The following RNF213 variants were observed in gnomAD, a reference collection of about 807,000 sequenced individuals.
RNF213 encodes E3 ubiquitin-protein ligase RNF213.
In RNF213, 341 loss-of-function variants were observed where a neutral mutation model predicts 514.4. The ratio of observed to expected loss-of-function variants is 0.66; its 90% CI spans 0.61 to 0.73. The LOEUF (loss-of-function observed/expected upper bound fraction) is 0.73. Among genes scored for constraint, RNF213 ranks in the 30% least tolerant of loss-of-function variants. The probability of loss-of-function intolerance (pLI) is 0.00; values close to 1 mark genes in which losing one functional copy is unlikely to be tolerated. For missense variants in RNF213, 5,767 were observed against 6,615.6 expected (o/e 0.87, Z 4.45); for synonymous variants, 2,655 against 2,658.2 (o/e 1.00, Z 0.04).
At chr17:80,335,701 C>T (rs1352911845) in intron 22 of RNF213, among the ~76,000 whole-genome samples, 2 of 152,040 alleles carry the variant, frequency 1.3e-5, no homozygotes, top group African/African-American at 4.8e-5. Flanking sequence ...ACAGGCTGGG[C>T]GTGGTGGCTC....
rs1187759289 is a variant in RNF213 at position 80,317,239 on chromosome 17, G to A, written c.2863G>A (p.Glu955Lys). ...IQFPAEHGWK[E>K]SLLGDMEWRL... The stretch of plus-strand genomic sequence containing the variant: ...ATTCCCCGCGGAGCATGGCTGGAAG[G>A]AGTCGTTGCTGGGAGACATGGAATG... The change falls in exon 16 of 68, where the codon GAG becomes AAG. Residue 955 changes from glutamate to lysine, a missense_variant. Physicochemically the swap from Glu to Lys is moderately conservative, Grantham distance 56 (BLOSUM62 1). Coordinates refer to ENST00000582970, the MANE Select transcript of RNF213 (RefSeq NM_001256071.3). The surrounding 1 kb of genome is among the most constrained non-coding windows in gnomAD (Gnocchi z 4.1). 6.2e-7 allele frequency: 1 copy of A among 1,612,862 alleles called. No individual in the cohort carries two copies. Among genetic ancestry groups the A allele is most frequent in the African/African-American group, 1.3e-5 (1 of 74,940 alleles).
At chr17:80,386,959 T>C in intron 63 of RNF213, 68 bp downstream of exon 63, 1 of 1,464,602 alleles carries the variant, frequency 6.8e-7, no homozygotes, top group Non-Finnish European at 9.3e-7. Context: ...CCTTGGTGTG[T>C]TTCTCGAGAG....
rs946235231 is a variant in RNF213 at position 80,388,484 on chromosome 17, T to G, written c.14923-128T>G. The G allele has an allele frequency of 2.3e-4, 177 of 753,796 alleles. 2 individuals are homozygous for G. Among genetic ancestry groups the G allele is most frequent in the Non-Finnish European group, 3.7e-4 (153 of 416,528 alleles). The allele number at this position is 753,796 out of a possible 1,614,324, so 46.7% of individuals were successfully genotyped here. On this transcript the variant is annotated intron_variant, in intron 63 of 67. Coordinates refer to ENST00000582970, the MANE Select transcript of RNF213 (RefSeq NM_001256071.3). The stretch of plus-strand genomic sequence containing the variant: ...GGTTAATGACGGAGAGGGGCGCTCT[T>G]AGCCAAGGGATACACAGGGCAGCGC...
At chr17:80,339,007 A>ACT (rs1309655895) in intron 25 of RNF213, among the ~76,000 whole-genome samples, 194 bp from the exon 26 acceptor site, 3 of 151,854 alleles carry the variant, frequency 2.0e-5, no homozygotes, top group Non-Finnish European at 4.4e-5. Context: ...CTCTACAATG[A>ACT]CTCTTTCCCT....
chr17:80,314,109 A>G (rs1220338621), intron 15 of RNF213, among the ~76,000 whole-genome samples: 1 of 86,204 alleles, frequency 1.2e-5, no homozygotes, highest in Non-Finnish European at 2.3e-5. Flanking sequence ...ACTGGAGGTG[A>G]TGGTGGTGGT....
chr17:80,390,918 C>T (rs905006317), intron 67 of RNF213, among the ~76,000 whole-genome samples: 2 of 151,978 alleles, frequency 1.3e-5, no homozygotes, highest in Admixed American at 6.6e-5. Context: ...AAAAATTAGC[C>T]AGGCATGGTG....
chr17:80,295,725 GA>G lies in RNF213; in HGVS notation c.1925del (p.Asp642AlafsTer7). On this transcript the variant is annotated frameshift_variant, in exon 10 of 68. Coordinates refer to ENST00000582970, the MANE Select transcript of RNF213 (RefSeq NM_001256071.3). LOFTEE classifies it high-confidence loss of function. ...KIELLLEGSL[D>X]WLCHLLTSDA... ...TGAGCTTTTATTAGAAGGCAGCCTG[GA>G]CTGGTTGTGTCACCTCCTAACCTCA... The G allele has an allele frequency of 6.2e-7, 1 of 1,614,176 alleles. No homozygotes were observed.
At chr17:80,330,492 G>C (rs531334066) in intron 20 of RNF213, among the ~76,000 whole-genome samples, 2 of 152,172 alleles carry the variant, frequency 1.3e-5, no homozygotes, top group Non-Finnish European at 2.9e-5. Flanking sequence ...AGGGAGAAGC[G>C]GGCTGGCGGG....
At chr17:80,366,105 G>T (rs1175832463) in intron 42 of RNF213, among the ~76,000 whole-genome samples, 6 of 152,240 alleles carry the variant, frequency 3.9e-5, no homozygotes, top group Non-Finnish European at 2.9e-5. Context: ...AGCAGCCCTT[G>T]GGACCATTTG....
chr17:80,281,443 CT>C (rs2044274277), intron 3 of RNF213, among the ~76,000 whole-genome samples: 3 of 99,270 alleles, frequency 3.0e-5, no homozygotes, highest in Non-Finnish European at 6.8e-5. Flanking sequence ...CTCACACACC[CT>C]GCAACATACA....
At position 80,307,197 on chromosome 17, in the gene RNF213, G is replaced by A; in HGVS notation, c.2497G>A (p.Asp833Asn). 1.2e-6 allele frequency: 2 copies of A among 1,613,660 alleles called. No homozygotes were observed. The highest frequency in any genetic ancestry group is 1.7e-6 in the Non-Finnish European group (2 of 1,179,786). Residue 833 changes from aspartate (D) to asparagine (N), a missense_variant, in exon 13 of 68, where the codon GAC becomes AAC. Asp to Asn is a conservative substitution (Grantham distance 23). This residue lies in a region of RNF213 where 592 missense variants were observed against 673.9 expected (regional missense o/e 0.88). Transcript: ENST00000582970. Reference protein sequence around the residue: ...MLLRLLDTYRDKIPEEALSPS... With the variant: ...MLLRLLDTYRNKIPEEALSPS... ...GTTGCGACTCCTGGACACTTACCGG[G>A]ACAAGTAAGTGGAAAGCACGATGCA...
chr17:80,361,745 A>T lies in RNF213; in HGVS notation c.11212A>T (p.Lys3738Ter), dbSNP rs2079062987. The T allele has an allele frequency of 6.2e-7, 1 of 1,613,588 alleles. No individual in the cohort carries two copies. The highest frequency in any genetic ancestry group is 1.3e-5 in the African/African-American group (1 of 74,882). The change falls in exon 39 of 68, where the codon AAG (lysine) becomes TAG (stop). Residue 3738 changes from lysine to a stop codon, truncating the protein, a stop_gained. Transcript: ENST00000582970. LOFTEE classifies it high-confidence loss of function. Reference sequence around the variant, plus strand: ...TTTCCTCTCTGCAGGACTGCCCAAGAAGTTCGTGGACATCTTTCAGCAGAC... The same window carrying T: ...TTTCCTCTCTGCAGGACTGCCCAAGTAGTTCGTGGACATCTTTCAGCAGAC... The part of the protein sequence containing the change: ...YITDAEGLPK[K>*]FVDIFQQTPL...
intron 47 of RNF213, 28 bp from the exon 48 acceptor site, chr17:80,372,493 C>T (rs531618903): frequency 2.8e-5 from 43 of 1,552,574 alleles, no homozygotes; most frequent in African/African-American, 4.1e-5. Flanking sequence ...AAATAATATC[C>T]TTTTCTTTCT....
At chr17:80,322,544 C>T (rs919082004) in intron 17 of RNF213, among the ~76,000 whole-genome samples, 4 of 151,910 alleles carry the variant, frequency 2.6e-5, no homozygotes, top group African/African-American at 9.7e-5. Flanking sequence ...CCACTGCACT[C>T]CGGCCTGGGC....
intron 37 of RNF213, 98 bp downstream of exon 37, chr17:80,358,577 A>G (rs1056551662): frequency 3.5e-6 from 4 of 1,129,710 alleles, no homozygotes; most frequent in African/African-American, 1.5e-5. Context: ...GCAGCCCTCA[A>G]CTTCAGAGCA....
intron 44 of RNF213, 118 bp downstream of exon 44, chr17:80,368,261 A>C (rs72851471): frequency 0.027 from 30,941 of 1,128,892 alleles, 568 homozygotes; most frequent in Middle Eastern, 0.063. Flanking sequence ...CTGACCTCAG[A>C]GAACTATCAT....
chr17:80,375,478 G>A (rs1171601491), intron 50 of RNF213, among the ~76,000 whole-genome samples: 3 of 151,954 alleles, frequency 2.0e-5, no homozygotes, highest in African/African-American at 7.3e-5. Context: ...GAGGCATGCA[G>A]ATCACAAGGT....
chr17:80,295,501 A>T, intron 9 of RNF213, 56 bp from the exon 10 acceptor site: 1 of 1,608,958 alleles, frequency 6.2e-7, no homozygotes, highest in East Asian at 2.2e-5. Context: ...AGCTCTGGAC[A>T]CTGCCGGTGA....
rs777067885 is a variant in RNF213 at position 80,313,158 on chromosome 17, G to C, written c.2802G>C (p.Lys934Asn). The change falls in exon 15 of 68, where the codon AAG becomes AAC. Residue 934 changes from lysine (K) to asparagine (N), a missense_variant. Lys to Asn is a moderately conservative substitution (Grantham distance 94). This residue lies in a region of RNF213 where 592 missense variants were observed against 673.9 expected (regional missense o/e 0.88). Transcript: ENST00000582970. ...CAGGTGCCTCATTCACATACGTCAAGGAAATTGAGGTAGGCATTTGGCCGA... is the reference window on the plus strand; with the variant it reads ...CAGGTGCCTCATTCACATACGTCAACGAAATTGAGGTAGGCATTTGGCCGA... ...TSSGASFTYV[K>N]EIEVWRRLVE... 6.2e-7 allele frequency: 1 copy of C among 1,614,126 alleles called. No homozygotes were observed. The highest frequency in any genetic ancestry group is 8.5e-7 in the Non-Finnish European group (1 of 1,180,046).
Sources: allele counts gnomAD v4.1 joint callset (sites outside exome capture counted in the v4.1 genomes callset), GRCh38; gene constraint gnomAD v4.1.1; regional missense constraint gnomAD v4.1.1; non-coding constraint Gnocchi (gnomAD v3.1); transcripts MANE v1.5; gene names NCBI Gene and HGNC (gene_info 2026-07-23, HGNC 2026-07-21).